WBP11: variants seen among roughly 807,000 people sequenced by gnomAD.
WBP11 encodes WW domain-binding protein 11.
In WBP11, 12 loss-of-function variants were observed where a neutral mutation model predicts 66.7. The ratio of observed to expected loss-of-function variants is 0.18; its 90% CI spans 0.12 to 0.29. WBP11 has a LOEUF of 0.29. WBP11 is among the 10% of genes least tolerant of loss of function. The pLI, the probability that WBP11 is intolerant of heterozygous loss-of-function variation, is 1.00. For synonymous variants in WBP11, 255 were observed against 273.8 expected, an observed-to-expected ratio of 0.93 and a Z score of 0.68; for missense variants, 555 against 818.3, an observed-to-expected ratio of 0.68 and a Z score of 3.93.
At chr12:14,797,260 T>C (rs1949904250) in intron 4 of WBP11, among the ~76,000 whole-genome samples, 1 of 152,214 alleles carries the variant, frequency 6.6e-6, no homozygotes, top group Non-Finnish European at 1.5e-5. Flanking sequence ...AAAATCAATT[T>C]TCACTGCTCT....
Position 14,786,770 on chromosome 12 carries a change from TC to T in WBP11, c.*294del, listed in dbSNP as rs927144748. 12 of 269,990 alleles carry T rather than the reference TC, an allele frequency of 4.4e-5. No homozygotes were observed. The highest frequency in any genetic ancestry group is 2.2e-5 in the African/African-American group (1 of 46,184). The allele number at this position is 269,990 out of a possible 1,614,324, so 16.7% of individuals were successfully genotyped here. On this transcript the variant is annotated 3_prime_UTR_variant, in exon 12 of 12. Coordinates refer to ENST00000261167, the MANE Select transcript of WBP11 (RefSeq NM_016312.3). ...AGTCAAAACAAATAAGCAACTAAGA[TC>T]CCCCGATCACAAATTTCCAAAGAAC...
Position 14,797,771 on chromosome 12 carries a change from G to A in WBP11, c.191-768C>T, listed in dbSNP as rs544653541. ...TTTCTTTCTGAATGTGTTATGTAGAGAGAAAACAAACCTAGAGCTGCCTGT... is the reference window on the plus strand; with the variant it reads ...TTTCTTTCTGAATGTGTTATGTAGAAAGAAAACAAACCTAGAGCTGCCTGT... On this transcript the variant is annotated intron_variant, in intron 4 of 11. Transcript: ENST00000261167. 2.0e-5 allele frequency among the ~76,000 whole-genome samples: 3 copies of A among 152,312 alleles called. No individual in the cohort carries two copies. In the South Asian group the frequency reaches 6.2e-4, roughly 32 times the overall value.
rs369330494 is a variant in WBP11 at position 14,789,553 on chromosome 12, C to T, written c.1310-420G>A. ...TGAGCTGAGATTGCGCCATTGCACT[C>T]CAGCCTGGGTGACAGAACAAGACTC... On this transcript the variant is annotated intron_variant, in intron 10 of 11. Coordinates refer to ENST00000261167, the MANE Select transcript of WBP11 (RefSeq NM_016312.3). Among the ~76,000 whole-genome samples the T allele has an allele frequency of 4.1e-4, 63 of 152,170 alleles. 1 individual carries two copies. The highest frequency in any genetic ancestry group is 1.5e-3 in the African/African-American group (63 of 41,508).
At chr12:14,794,807 T>C (rs1949871841) in intron 6 of WBP11, 71 bp from the exon 7 acceptor site, 3 of 1,532,744 alleles carry the variant, frequency 2.0e-6, no homozygotes, top group Admixed American at 2.2e-5. Flanking sequence ...ATATTTATTT[T>C]CTCTTCTAAA....
At chr12:14,788,898 C>G in intron 11 of WBP11, 53 bp downstream of exon 11, 6 of 979,478 alleles carry the variant, frequency 6.1e-6, no homozygotes, top group Non-Finnish European at 8.6e-6. Flanking sequence ...TGTCTTAGAG[C>G]AAATTAAATA....
rs1949755139 is a variant in WBP11 at position 14,786,393 on chromosome 12, T to C, written c.*672A>G. The C allele has an allele frequency of 6.6e-6, 1 of 152,222 alleles. No individual in the cohort carries two copies. The highest frequency in any genetic ancestry group is 6.5e-5 in the Admixed American group (1 of 15,282). 9.4% of individuals were successfully genotyped at this position (152,222 alleles called of 1,614,324 possible). A position where few individuals can be genotyped will look rare whatever the true frequency, so the allele number is the denominator to read the frequency against. On this transcript the variant is annotated 3_prime_UTR_variant, in exon 12 of 12. Coordinates refer to ENST00000261167, the MANE Select transcript of WBP11 (RefSeq NM_016312.3). ...CATTCTGTACCAGAAAGGCAGTTCC[T>C]TAAAGACCCAAGTTTTAAATATTTA...
At chr12:14,801,569 G>A in intron 1 of WBP11, 141 bp from the exon 2 acceptor site, 1 of 552,584 alleles carries the variant, frequency 1.8e-6, no homozygotes, top group Non-Finnish European at 3.2e-6. Flanking sequence ...TGACTTTAAT[G>A]TCCAAGAAAG....
At position 14,786,820 on chromosome 12, in the gene WBP11, G is replaced by T; in HGVS notation, c.*245C>A. On this transcript the variant is annotated 3_prime_UTR_variant, in exon 12 of 12. Transcript: ENST00000261167. ...ACTGGAGGAGGGGAAGAAACAGGGT[G>T]AAAATGGTGGTATGAAAGGGAATGG... The T allele has an allele frequency of 2.6e-6, 1 of 391,390 alleles. No homozygotes were observed. The highest frequency in any genetic ancestry group is 4.6e-6 in the Non-Finnish European group (1 of 217,282). 24.2% of individuals were successfully genotyped at this position (391,390 alleles called of 1,614,324 possible).
chr12:14,790,810 A>G, intron 9 of WBP11, 61 bp from the exon 10 acceptor site: 2 of 1,483,318 alleles, frequency 1.3e-6, no homozygotes, highest in Non-Finnish European at 1.8e-6. Context: ...TTTGGAGAAC[A>G]GCAATGACTG....
In WBP11 at chr12:14,794,572, C is replaced by T; in HGVS notation, c.686G>A (p.Arg229Lys). Residue 229 changes from arginine (R) to lysine (K), a missense_variant, in exon 7 of 12, where the codon AGG (arginine) becomes AAG (lysine). By Grantham distance (26) the Arg-to-Lys change is conservative. This residue lies in a region of WBP11 where 220 missense variants were observed against 268.2 expected (regional missense o/e 0.82). Transcript: ENST00000261167. Reference protein sequence around the residue: ...VGFALDLPPRRRDEDMLYSPE... With the variant: ...VGFALDLPPRKRDEDMLYSPE... ...ACTATATAACATGTCTTCATCTCGC[C>T]TACGAGGGGGAAGATCTAGGGCAAA... 6.2e-7 allele frequency: 1 copy of T among 1,613,998 alleles called. No homozygotes were observed. Among genetic ancestry groups the T allele is most frequent in the Non-Finnish European group, 8.5e-7 (1 of 1,179,998 alleles).
At chr12:14,802,496 AT>A (rs1027375145) in intron 1 of WBP11, among the ~76,000 whole-genome samples, 62 of 152,190 alleles carry the variant, frequency 4.1e-4, no homozygotes, top group Non-Finnish European at 1.0e-4. Flanking sequence ...AAAGGCTCTG[AT>A]TTTTAGCTTC....
At chr12:14,789,517 G>A (rs1381466473) in intron 10 of WBP11, among the ~76,000 whole-genome samples, 2 of 152,068 alleles carry the variant, frequency 1.3e-5, no homozygotes, top group African/African-American at 2.4e-5. Flanking sequence ...CCCGGGAGGC[G>A]GAGCTTGTAG....
rs1949749147 is a variant in WBP11, at chr12:14,785,941, T to C, written c.*1124A>G. On this transcript the variant is annotated 3_prime_UTR_variant, in exon 12 of 12. Transcript: ENST00000261167. ...TTGGTAGATGAGTTAGTCATTAAATTAACATTAAACTTACTAAGAGTTAGT... is the reference window on the plus strand; with the variant it reads ...TTGGTAGATGAGTTAGTCATTAAATCAACATTAAACTTACTAAGAGTTAGT... 1 of 124,746 alleles carries C rather than the reference T, an allele frequency of 8.0e-6. No individual in the cohort carries two copies. The highest frequency in any genetic ancestry group is 3.4e-5 in the African/African-American group (1 of 29,026). 7.7% of individuals were successfully genotyped at this position (124,746 alleles called of 1,614,324 possible). A position where few individuals can be genotyped will look rare whatever the true frequency, so the allele number is the denominator to read the frequency against.
intron 3 of WBP11, among the ~76,000 whole-genome samples, chr12:14,800,128 A>T (rs1353877746): frequency 6.6e-6 from 1 of 152,152 alleles, no homozygotes; most frequent in African/African-American, 2.4e-5. Context: ...AAGAATATTT[A>T]AAAATTTTGC....
In WBP11 at chr12:14,796,714, T is replaced by A; in HGVS notation, c.387+93A>T. On this transcript the variant is annotated intron_variant, in intron 5 of 11. Transcript: ENST00000261167. The surrounding 1 kb of genome is among the most constrained non-coding windows in gnomAD (Gnocchi z 4.5). Reference sequence around the variant, plus strand: ...ATAAAAAAAACCCAACAACCCTAAATCCAAAACACTTCTGGTCCCAAGCAC... The same window carrying A: ...ATAAAAAAAACCCAACAACCCTAAAACCAAAACACTTCTGGTCCCAAGCAC... 8.1e-7 allele frequency: 1 copy of A among 1,237,542 alleles called. No individual in the cohort carries two copies. The highest frequency in any genetic ancestry group is 1.6e-5 in the South Asian group (1 of 61,046). The allele number at this position is 1,237,542 out of a possible 1,614,324, so 76.7% of individuals were successfully genotyped here.
At chr12:14,798,393 G>A (rs1478953292) in intron 4 of WBP11, among the ~76,000 whole-genome samples, 3 of 152,142 alleles carry the variant, frequency 2.0e-5, no homozygotes, top group Non-Finnish European at 4.4e-5. Flanking sequence ...AAACTGGTGC[G>A]TAGGTGTATA....
At position 14,796,786 on chromosome 12, in the gene WBP11, C is replaced by T. The variant is rs751575528; in HGVS notation, c.387+21G>A. 2.8e-6 allele frequency: 4 copies of T among 1,431,102 alleles called. No individual in the cohort carries two copies. The highest frequency in any genetic ancestry group is 3.8e-6 in the Non-Finnish European group (4 of 1,061,178). 88.7% of individuals were successfully genotyped at this position (1,431,102 alleles called of 1,614,324 possible). Reference sequence around the variant, plus strand: ...CTGTATAATATTTTAGTTTATCTCTCAAAAAAAAAACCTTGATTACCTTGA... The same window carrying T: ...CTGTATAATATTTTAGTTTATCTCTTAAAAAAAAAACCTTGATTACCTTGA... On this transcript the variant is annotated intron_variant, in intron 5 of 11. Coordinates refer to ENST00000261167, the MANE Select transcript of WBP11 (RefSeq NM_016312.3). The surrounding 1 kb of genome is among the most constrained non-coding windows in gnomAD (Gnocchi z 4.5).
At chr12:14,789,251 A>G in intron 10 of WBP11, 118 bp from the exon 11 acceptor site, 1 of 950,950 alleles carries the variant, frequency 1.1e-6, no homozygotes. Flanking sequence ...AACTTCAAGA[A>G]GTTAATGAAA....
intron 3 of WBP11, among the ~76,000 whole-genome samples, chr12:14,800,245 CCTTT>C (rs1949944382): frequency 6.6e-6 from 1 of 151,952 alleles, no homozygotes; most frequent in African/African-American, 2.4e-5. Context: ...TAAGGCAAAT[CCTTT>C]CTAATTCTTT....
Sources: gnomAD v4.1 joint callset for allele counts (sites outside exome capture counted in the v4.1 genomes callset) on GRCh38, gnomAD v4.1.1 for gene constraint, gnomAD v4.1.1 regional missense constraint, Gnocchi (gnomAD v3.1) non-coding constraint, MANE v1.5 for transcripts, NCBI Gene and HGNC (gene_info 2026-07-23, HGNC 2026-07-21) for gene names.